The following ENOX2 variants were observed in gnomAD, a reference collection of about 807,000 sequenced individuals.
ENOX2 encodes APK1 antigen.
A neutral mutation model predicts 45.0 loss-of-function variants in ENOX2; 36 were observed. That is an observed-to-expected ratio of 0.80 (90% CI 0.61 to 1.06). The LOEUF is 1.06. Ranked by LOEUF, ENOX2 falls within the 50% of genes least tolerant of loss-of-function variation. The probability of loss-of-function intolerance (pLI) is 0.00; values close to 1 mark genes in which losing one functional copy is unlikely to be tolerated. For synonymous variants in ENOX2, 174 were observed against 152.3 expected (o/e 1.14, Z -1.05); for missense variants, 423 against 462.5 (o/e 0.91, Z 0.78).
chrX:130,763,869 A>G (rs1465030649), intron 3 of ENOX2, among the ~76,000 whole-genome samples: 1 of 110,580 alleles, frequency 9.0e-6, no homozygotes, highest in East Asian at 2.8e-4. Context: ...TAGGACCACA[A>G]TTTGTGTGTG....
intron 10 of ENOX2, among the ~76,000 whole-genome samples, chrX:130,646,767 C>T (rs1445648023): frequency 1.8e-5 from 2 of 112,214 alleles, no homozygotes; most frequent in East Asian, 5.6e-4. Context: ...TAGGAAAATG[C>T]CTTGCCCTTC....
At chrX:130,800,178 A>G (rs1271839434) in intron 2 of ENOX2, among the ~76,000 whole-genome samples, 1 of 111,583 alleles carries the variant, frequency 9.0e-6, no homozygotes, top group Non-Finnish European at 1.9e-5. Flanking sequence ...ACACACTGAC[A>G]TAATGACAAA....
At chrX:130,859,029 T>C (rs2078363797) in intron 2 of ENOX2, among the ~76,000 whole-genome samples, 1 of 112,564 alleles carries the variant, frequency 8.9e-6, no homozygotes, top group Non-Finnish European at 1.9e-5. Context: ...TCACTGTCCT[T>C]TAAGAAATAA....
chrX:130,869,768 A>G (rs1006548259), intron 2 of ENOX2, among the ~76,000 whole-genome samples: 10 of 111,964 alleles, frequency 8.9e-5, no homozygotes, highest in African/African-American at 3.2e-4. Context: ...CTCAGATCAA[A>G]TATCATTCTT....
At chrX:130,897,835 T>C (rs770487626) in intron 2 of ENOX2, among the ~76,000 whole-genome samples, 2 of 111,242 alleles carry the variant, frequency 1.8e-5, no homozygotes, top group African/African-American at 6.5e-5. Flanking sequence ...GACCAGATGG[T>C]TTTAGATTTG....
chrX:130,678,488 T>C (rs2037212193), intron 6 of ENOX2, among the ~76,000 whole-genome samples: 1 of 109,494 alleles, frequency 9.1e-6, no homozygotes, highest in Non-Finnish European at 1.9e-5. Flanking sequence ...GCTCCAGTCA[T>C]ACTAACTTTC....
chrX:130,789,095 T>G (rs1408423287), intron 2 of ENOX2, among the ~76,000 whole-genome samples: 1 of 111,684 alleles, frequency 9.0e-6, no homozygotes, highest in Non-Finnish European at 1.9e-5. Context: ...AGAATGACAT[T>G]TCTCATCTAA....
intron 3 of ENOX2, among the ~76,000 whole-genome samples, chrX:130,753,646 T>G (rs768780453): frequency 8.9e-6 from 1 of 112,203 alleles, no homozygotes; most frequent in South Asian, 3.7e-4. Flanking sequence ...CATGCCTGAC[T>G]TTTATTTCCA....
chrX:130,816,213 GCTAA>G (rs2077483630), intron 2 of ENOX2, among the ~76,000 whole-genome samples: 1 of 111,838 alleles, frequency 8.9e-6, no homozygotes. Flanking sequence ...AACAAGAAGA[GCTAA>G]CTATCCTAAA....
chrX:130,784,658 G>A lies in ENOX2; in HGVS notation c.-182-968C>T, dbSNP rs933495304. Among the ~76,000 whole-genome samples the A allele has an allele frequency of 2.9e-5, 3 of 104,253 alleles. No individual in the cohort carries two copies. The Admixed American group carries it at 3.1e-4, about 11-fold the overall frequency. 90.5% of individuals were successfully genotyped at this position (104,253 alleles called of 115,157 possible). A position where few individuals can be genotyped will look rare whatever the true frequency, so the allele number is the denominator to read the frequency against. On this transcript the variant is annotated intron_variant, in intron 2 of 14. Transcript: ENST00000394363. Reference sequence around the variant, plus strand: ...GTTGGAGTGCAGCAGCATGATCTTGGCTCACTGCAACCCCCACCTCCCGGG... The same window carrying A: ...GTTGGAGTGCAGCAGCATGATCTTGACTCACTGCAACCCCCACCTCCCGGG...
chrX:130,631,416 C>A (rs1336456500), intron 13 of ENOX2, 52 bp downstream of exon 13: 21 of 680,782 alleles, frequency 3.1e-5, no homozygotes, highest in Admixed American at 2.2e-5. Flanking sequence ...GCCCTCCTCT[C>A]CTCCATTGTA....
intron 2 of ENOX2, among the ~76,000 whole-genome samples, chrX:130,861,692 C>A (rs1337680965): frequency 9.0e-6 from 1 of 111,216 alleles, no homozygotes; most frequent in African/African-American, 3.3e-5. Flanking sequence ...ATGAGTAAGG[C>A]CTACATCTAT....
chrX:130,846,779 A>G (rs1274816851), intron 2 of ENOX2, among the ~76,000 whole-genome samples: 1 of 112,810 alleles, frequency 8.9e-6, no homozygotes, highest in Non-Finnish European at 1.9e-5. Context: ...CTTCATGTGG[A>G]CTTGCTTTTG....
chrX:130,881,887 C>T (rs777892833), intron 2 of ENOX2, among the ~76,000 whole-genome samples: 20 of 111,825 alleles, frequency 1.8e-4, no homozygotes, highest in Non-Finnish European at 3.4e-4. Flanking sequence ...AGCTCGGAAC[C>T]TTTAGCTAGC....
At chrX:130,827,273 T>A (rs888870594) in intron 2 of ENOX2, among the ~76,000 whole-genome samples, 1 of 111,827 alleles carries the variant, frequency 8.9e-6, no homozygotes, top group African/African-American at 3.2e-5. Context: ...GATATCTAAG[T>A]GTAGATAGAT....
intron 2 of ENOX2, among the ~76,000 whole-genome samples, chrX:130,843,149 C>T (rs923405995): frequency 9.0e-6 from 1 of 111,312 alleles, no homozygotes; most frequent in African/African-American, 3.3e-5. Flanking sequence ...AATACGTTTA[C>T]TCAACAATCC....
chrX:130,877,184 G>A (rs190411935), intron 2 of ENOX2, among the ~76,000 whole-genome samples: 40 of 111,555 alleles, frequency 3.6e-4, no homozygotes, highest in African/African-American at 1.2e-3. Context: ...CCCAATAGTC[G>A]TATTATTATA....
intron 3 of ENOX2, among the ~76,000 whole-genome samples, chrX:130,705,197 C>G (rs1012600053): frequency 3.6e-5 from 4 of 111,944 alleles, no homozygotes; most frequent in Non-Finnish European, 7.5e-5. Flanking sequence ...GACTGGGACC[C>G]AATGCCAAAA....
intron 10 of ENOX2, among the ~76,000 whole-genome samples, chrX:130,637,800 G>A (rs2035970981): frequency 9.0e-6 from 1 of 111,589 alleles, no homozygotes; most frequent in Admixed American, 9.5e-5. Flanking sequence ...ACTTAACCTC[G>A]GAATTTCCTG....
Sources: allele counts gnomAD v4.1 joint callset (sites outside exome capture counted in the v4.1 genomes callset), GRCh38; gene constraint gnomAD v4.1.1; transcripts MANE v1.5; gene names NCBI Gene and HGNC (gene_info 2026-07-23, HGNC 2026-07-21).